The following SAMMSON variants were observed in gnomAD, a reference collection of about 807,000 sequenced individuals.
The protein encoded by SAMMSON is survival associated mitochondrial melanoma specific oncogenic non-coding RNA, also known as long intergenic non-protein coding RNA 1212.
chr3:70,149,031 A>G (rs1375968479), intron 4 of SAMMSON, among the ~76,000 whole-genome samples: 1 of 152,076 alleles, frequency 6.6e-6, no homozygotes, highest in African/African-American at 2.4e-5. Context: ...GCTCACAAAG[A>G]ACAAGTTCCA....
chr3:70,161,824 A>C (rs2067616789), intron 4 of SAMMSON, among the ~76,000 whole-genome samples: 1 of 151,172 alleles, frequency 6.6e-6, no homozygotes, highest in Non-Finnish European at 1.5e-5. Flanking sequence ...CAATTAAATT[A>C]TTTTCTTTAT....
chr3:70,286,733 C>T (rs1366390526), intron 6 of SAMMSON, among the ~76,000 whole-genome samples: 2 of 151,970 alleles, frequency 1.3e-5, no homozygotes, highest in African/African-American at 4.8e-5. Flanking sequence ...CTTTTATTTC[C>T]TTGAGCAGTG....
intron 4 of SAMMSON, among the ~76,000 whole-genome samples, chr3:70,164,497 T>G (rs1202349347): frequency 6.6e-6 from 1 of 152,084 alleles, no homozygotes; most frequent in Non-Finnish European, 1.5e-5. Flanking sequence ...CTGTAAACCT[T>G]GTGCCTGCAC....
At chr3:70,211,078 A>G (rs1701340282) in intron 4 of SAMMSON, among the ~76,000 whole-genome samples, 1 of 152,108 alleles carries the variant, frequency 6.6e-6, no homozygotes. Flanking sequence ...GTTTTCTCTC[A>G]TTTGACTCTT....
chr3:70,387,501 C>A (rs1167437279), intron 9 of SAMMSON, among the ~76,000 whole-genome samples: 1 of 151,998 alleles, frequency 6.6e-6, no homozygotes, highest in Non-Finnish European at 1.5e-5. Flanking sequence ...TTCACTCAGA[C>A]AATTTGGCAC....
intron 6 of SAMMSON, among the ~76,000 whole-genome samples, chr3:70,277,334 T>C (rs1340559366): frequency 6.6e-6 from 1 of 152,214 alleles, no homozygotes; most frequent in African/African-American, 2.4e-5. Flanking sequence ...AAAACTTATG[T>C]AAACGGAAAT....
At chr3:70,414,679 T>C (rs1429267037) in intron 2 of SAMMSON, among the ~76,000 whole-genome samples, 1 of 152,158 alleles carries the variant, frequency 6.6e-6, no homozygotes, top group Non-Finnish European at 1.5e-5. Flanking sequence ...TGACCTTAGT[T>C]AGATCACGTA....
At chr3:70,226,975 A>C (rs1701513630) in intron 4 of SAMMSON, among the ~76,000 whole-genome samples, 1 of 152,118 alleles carries the variant, frequency 6.6e-6, no homozygotes, top group African/African-American at 2.4e-5. Flanking sequence ...GAGGCACTGG[A>C]GCAGTGGCTC....
intron 6 of SAMMSON, chr3:70,272,441 C>G (rs914550565): frequency 2.6e-5 from 4 of 152,224 alleles, no homozygotes; most frequent in African/African-American, 9.6e-5. Flanking sequence ...TGAGTTCATT[C>G]ATTTGCAATG....
intron 7 of SAMMSON, among the ~76,000 whole-genome samples, chr3:70,296,849 A>G (rs182352380): frequency 6.6e-6 from 1 of 152,060 alleles, no homozygotes; most frequent in African/African-American, 2.4e-5. Context: ...GGCATATGTA[A>G]TAATGGCCTC....
intron 6 of SAMMSON, among the ~76,000 whole-genome samples, chr3:70,260,493 T>C (rs567647785): frequency 6.6e-6 from 1 of 152,120 alleles, no homozygotes; most frequent in Admixed American, 6.6e-5. Flanking sequence ...AACAGCCCCA[T>C]TCCCTATCAT....
chr3:70,111,323 A>G (rs1178641711), intron 4 of SAMMSON, among the ~76,000 whole-genome samples: 4 of 152,190 alleles, frequency 2.6e-5, no homozygotes, highest in Non-Finnish European at 4.4e-5. Context: ...ATAAATACTC[A>G]AGTGATTTAT....
At chr3:70,017,039 C>G (rs1284595989) in intron 3 of SAMMSON, among the ~76,000 whole-genome samples, 2 of 152,064 alleles carry the variant, frequency 1.3e-5, no homozygotes, top group African/African-American at 4.8e-5. Flanking sequence ...CAGCTTTGTT[C>G]TTTTGGCTTA....
At chr3:70,012,701 A>G (rs753360370) in intron 2 of SAMMSON, 2 of 152,196 alleles carry the variant, frequency 1.3e-5, no homozygotes, top group Non-Finnish European at 2.9e-5. Flanking sequence ...TCTACTACCA[A>G]GAAGGGTCTT....
At chr3:70,298,658 T>A (rs1575619647) in intron 7 of SAMMSON, among the ~76,000 whole-genome samples, 1 of 152,080 alleles carries the variant, frequency 6.6e-6, no homozygotes, top group African/African-American at 2.4e-5. Context: ...ACTGAATGAG[T>A]AATAGGTTTA....
chr3:70,034,582 G>A (rs9821387), intron 3 of SAMMSON, among the ~76,000 whole-genome samples: 5,264 of 152,204 alleles, frequency 0.035, 288 homozygotes, highest in African/African-American at 0.12. Flanking sequence ...GGTGGCTCAC[G>A]CTTATAATCC....
chr3:70,387,185 A>C (rs1228411112), intron 9 of SAMMSON, among the ~76,000 whole-genome samples: 1 of 152,092 alleles, frequency 6.6e-6, no homozygotes, highest in Admixed American at 6.6e-5. Context: ...ACTCTTTTTA[A>C]AAAGGATTTA....
chr3:70,245,712 T>TATATAC (rs1701700902), intron 4 of SAMMSON, among the ~76,000 whole-genome samples: 2 of 128,380 alleles, frequency 1.6e-5, no homozygotes, highest in East Asian at 4.6e-4. Context: ...TATATATATA[T>TATATAC]ATACACATTC....
At chr3:70,399,464 G>A (rs1470308617) in intron 2 of SAMMSON, among the ~76,000 whole-genome samples, 5 of 152,182 alleles carry the variant, frequency 3.3e-5, no homozygotes, top group Non-Finnish European at 7.3e-5. Context: ...GCTTTACAGT[G>A]TGATTTTCCC....
Sources: allele counts gnomAD v4.1 joint callset (sites outside exome capture counted in the v4.1 genomes callset), GRCh38; gene constraint gnomAD v4.1.1; transcripts MANE v1.5; gene names NCBI Gene and HGNC (gene_info 2026-07-23, HGNC 2026-07-21).